Variants in ARFGAP3 observed in about 807,000 individuals in gnomAD.
ARFGAP3 encodes the protein ADP-ribosylation factor GTPase-activating protein 3.
A neutral mutation model predicts 75.0 loss-of-function variants in ARFGAP3; 72 were observed. That is an observed-to-expected ratio of 0.96 (90% CI 0.79 to 1.17). ARFGAP3 has a LOEUF of 1.17. Among genes scored for constraint, ARFGAP3 ranks in the 50% most tolerant of loss-of-function variants. ARFGAP3 has a pLI of 0.00. For synonymous variants in ARFGAP3, 221 were observed against 217.9 expected, an observed-to-expected ratio of 1.01 and a Z score of -0.13; for missense variants, 620 against 626.6, an observed-to-expected ratio of 0.99 and a Z score of 0.11.
intron 11 of ARFGAP3, among the ~76,000 whole-genome samples, chr22:42,815,835 G>A (rs2146539738): frequency 6.6e-6 from 1 of 152,318 alleles, no homozygotes; most frequent in Admixed American, 6.5e-5. Flanking sequence ...CATTTAGGCT[G>A]GGCGTGGAGG....
At position 42,796,782 on chromosome 22, in the gene ARFGAP3, T is replaced by C. The variant is rs1197707570; in HGVS notation, c.*806A>G. 1 of 152,244 alleles carries C rather than the reference T, an allele frequency of 6.6e-6. No homozygotes were observed. Among genetic ancestry groups the C allele is most frequent in the East Asian group, 1.9e-4 (1 of 5,200 alleles). 9.4% of individuals were successfully genotyped at this position (152,244 alleles called of 1,614,324 possible). On this transcript the variant is annotated 3_prime_UTR_variant, in exon 16 of 16. Coordinates refer to ENST00000263245, the MANE Select transcript of ARFGAP3 (RefSeq NM_014570.5). ...AACAAAACTACCCAATTACAATGAC[T>C]GTTCTCCCATACACGCAACTATTTT...
At chr22:42,797,636 A>G in intron 15 of ARFGAP3, 31 bp from the exon 16 acceptor site, 2 of 1,613,962 alleles carry the variant, frequency 1.2e-6, no homozygotes, top group Non-Finnish European at 1.7e-6. Context: ...GAAGTTCACG[A>G]CCATTCAGCA....
chr22:42,834,382 A>C, intron 4 of ARFGAP3, 57 bp from the exon 5 acceptor site: 1 of 1,584,530 alleles, frequency 6.3e-7, no homozygotes, highest in Non-Finnish European at 8.6e-7. Context: ...AAAGGATTTT[A>C]TTTGATACCT....
At chr22:42,852,444 C>A (rs761595587) in intron 1 of ARFGAP3, among the ~76,000 whole-genome samples, 2 of 152,124 alleles carry the variant, frequency 1.3e-5, no homozygotes, top group Admixed American at 6.6e-5. Flanking sequence ...ACTGCAACCT[C>A]CGCCTCCTGG....
intron 13 of ARFGAP3, 38 bp downstream of exon 13, chr22:42,808,729 C>T (rs2146532032): frequency 6.5e-7 from 1 of 1,534,858 alleles, no homozygotes; most frequent in East Asian, 2.3e-5. Flanking sequence ...TTCCTTCCTG[C>T]ATTATGGGGC....
intron 11 of ARFGAP3, among the ~76,000 whole-genome samples, chr22:42,814,105 A>G (rs1465869709): frequency 6.6e-6 from 1 of 152,192 alleles, no homozygotes; most frequent in African/African-American, 2.4e-5. Flanking sequence ...CTTGTACTCA[A>G]TATATAATTA....
In ARFGAP3 at chr22:42,807,102, A is replaced by G; in HGVS notation, c.1382T>C (p.Leu461Pro). Residue 461 changes from leucine (L) to proline (P), a missense_variant, in exon 14 of 16, where the codon CTG becomes CCG. By Grantham distance (98) the Leu-to-Pro change is moderately conservative (BLOSUM62 -3). Transcript: ENST00000263245. The part of the protein sequence containing the change: ...SASSSISSAD[L>P]FEEPRKQPAG... ...TGGCTGCTTCCTCGGCTCCTCGAACAGATCAGCCGAGCTTATGGAGGAACT... is the reference window on the plus strand; with the variant it reads ...TGGCTGCTTCCTCGGCTCCTCGAACGGATCAGCCGAGCTTATGGAGGAACT... The G allele has an allele frequency of 6.2e-7, 1 of 1,612,560 alleles. No individual in the cohort carries two copies. Among genetic ancestry groups the G allele is most frequent in the Non-Finnish European group, 8.5e-7 (1 of 1,179,422 alleles).
chr22:42,834,595 G>A (rs954085513), intron 4 of ARFGAP3, among the ~76,000 whole-genome samples: 1 of 152,186 alleles, frequency 6.6e-6, no homozygotes, highest in Non-Finnish European at 1.5e-5. Flanking sequence ...ATATCTAAAT[G>A]CAGGTTCCAA....
intron 3 of ARFGAP3, among the ~76,000 whole-genome samples, chr22:42,838,330 C>G (rs535227674): frequency 7.1e-6 from 1 of 140,210 alleles, no homozygotes; most frequent in Non-Finnish European, 1.5e-5. Flanking sequence ...CAGGGTCTTG[C>G]TCTGTCACCC....
In ARFGAP3 at chr22:42,797,449, A is replaced by T; in HGVS notation, c.*139T>A. On this transcript the variant is annotated 3_prime_UTR_variant, in exon 16 of 16. Transcript: ENST00000263245. Reference sequence around the variant, plus strand: ...CTCAGAATTTCTCAAAAGAAATATTAAAAATCAGAAACATATACCATATGA... The same window carrying T: ...CTCAGAATTTCTCAAAAGAAATATTTAAAATCAGAAACATATACCATATGA... The T allele has an allele frequency of 9.2e-7, 1 of 1,087,712 alleles. No individual in the cohort carries two copies. Among genetic ancestry groups the T allele is most frequent in the Non-Finnish European group, 1.4e-6 (1 of 735,886 alleles). 67.4% of individuals were successfully genotyped at this position (1,087,712 alleles called of 1,614,324 possible). A position where few individuals can be genotyped will look rare whatever the true frequency, so the allele number is the denominator to read the frequency against.
Position 42,840,972 on chromosome 22 carries a change from C to A in ARFGAP3, c.233G>T (p.Cys78Phe). The A allele has an allele frequency of 6.2e-7, 1 of 1,614,156 alleles. No individual in the cohort carries two copies. Among genetic ancestry groups the A allele is most frequent in the Non-Finnish European group, 8.5e-7 (1 of 1,180,020 alleles). Residue 78 changes from cysteine (C) to phenylalanine (F), a missense_variant, in exon 3 of 16, where the codon TGC becomes TTC. Transcript: ENST00000263245. ...DSNWSWFQLR[C>F]MQVGGNASAS... ...ACTAGCGTTTCCTCCGACTTGCATG[C>A]ATCGCAACTGAAACCATGACCAGTT...
chr22:42,825,021 T>C (rs1339524444), intron 7 of ARFGAP3, among the ~76,000 whole-genome samples: 1 of 152,260 alleles, frequency 6.6e-6, no homozygotes, highest in Non-Finnish European at 1.5e-5. Context: ...ACTGTTCTTT[T>C]TTACGGCTGC....
chr22:42,846,972 G>A (rs1350602229), intron 2 of ARFGAP3, among the ~76,000 whole-genome samples: 1 of 152,170 alleles, frequency 6.6e-6, no homozygotes, highest in East Asian at 1.9e-4. Flanking sequence ...CCTTCTTACT[G>A]GTTGGACTCT....
chr22:42,816,481 C>A (rs574069685), intron 11 of ARFGAP3, among the ~76,000 whole-genome samples: 22 of 152,280 alleles, frequency 1.4e-4, no homozygotes, highest in Non-Finnish European at 3.1e-4. Context: ...TTTAGCAGAC[C>A]TCTCACTGGG....
intron 9 of ARFGAP3, among the ~76,000 whole-genome samples, chr22:42,822,018 G>T (rs111691929): frequency 2.0e-5 from 3 of 152,078 alleles, no homozygotes; most frequent in Non-Finnish European, 4.4e-5. Flanking sequence ...ACACCTCCAT[G>T]CATCTCTGTC....
chr22:42,852,420 C>T (rs899809907), intron 1 of ARFGAP3, among the ~76,000 whole-genome samples: 6 of 151,694 alleles, frequency 4.0e-5, no homozygotes, highest in African/African-American at 9.7e-5. Flanking sequence ...AGTGCAATGG[C>T]GTGATCTTGG....
At chr22:42,813,897 T>C (rs865850353) in intron 11 of ARFGAP3, among the ~76,000 whole-genome samples, 4 of 152,210 alleles carry the variant, frequency 2.6e-5, no homozygotes, top group South Asian at 2.1e-4. Context: ...TTTGATTGTA[T>C]AGCTCTCAAT....
intron 2 of ARFGAP3, among the ~76,000 whole-genome samples, chr22:42,844,204 GGTTGTT>G (rs10532440): frequency 2.6e-5 from 4 of 151,588 alleles, no homozygotes; most frequent in Admixed American, 6.6e-5. Flanking sequence ...TTTTGGTGGT[GGTTGTT>G]GTTGTTTTTT....
At chr22:42,829,743 T>C (rs1926202645) in intron 6 of ARFGAP3, among the ~76,000 whole-genome samples, 1 of 152,246 alleles carries the variant, frequency 6.6e-6, no homozygotes, top group African/African-American at 2.4e-5. Flanking sequence ...CTTTTCCTTT[T>C]ATGAGATTTG....
Sources: gnomAD v4.1 joint callset for allele counts (sites outside exome capture counted in the v4.1 genomes callset) on GRCh38, gnomAD v4.1.1 for gene constraint, MANE v1.5 for transcripts, NCBI Gene and HGNC (gene_info 2026-07-23, HGNC 2026-07-21) for gene names.